XIRP2: variants seen among roughly 807,000 people sequenced by gnomAD.
The protein encoded by XIRP2 is xin actin-binding repeat-containing protein 2.
XIRP2 carries 236 observed loss-of-function variants against 277.0 expected under a neutral mutation model. The observed-to-expected ratio is 0.85, with a 90% CI of 0.77 to 0.95. The LOEUF is 0.95. Among genes scored for constraint, XIRP2 ranks in the 40% least tolerant of loss-of-function variants. The pLI, the probability that XIRP2 is intolerant of heterozygous loss-of-function variation, is 0.00. For synonymous variants in XIRP2, 1,490 were observed against 1,416.5 expected, an observed-to-expected ratio of 1.05 and a Z score of -1.17; for missense variants, 4,640 against 4,157.5, an observed-to-expected ratio of 1.12 and a Z score of -3.19.
At chr2:167,132,511 T>TACACACACACACACACACAC (rs35636231) in intron 2 of XIRP2, among the ~76,000 whole-genome samples, 46 of 146,224 alleles carry the variant, frequency 3.1e-4, no homozygotes, top group Non-Finnish European at 6.3e-4. Flanking sequence ...TGCATGTGTA[T>TACACACACACACACACACAC]ACACACACAC....
At chr2:167,194,571 C>T (rs1693445001) in intron 3 of XIRP2, among the ~76,000 whole-genome samples, 1 of 152,152 alleles carries the variant, frequency 6.6e-6, no homozygotes, top group Admixed American at 6.5e-5. Flanking sequence ...ACCAGAATCA[C>T]AGAAACATCA....
chr2:167,099,667 G>A (rs917351011), intron 2 of XIRP2, among the ~76,000 whole-genome samples: 3 of 152,136 alleles, frequency 2.0e-5, no homozygotes, highest in African/African-American at 7.2e-5. Flanking sequence ...CTGGTCTGTG[G>A]GTTGCACAGA....
intron 2 of XIRP2, among the ~76,000 whole-genome samples, chr2:166,996,610 G>A (rs1687227862): frequency 6.6e-6 from 1 of 152,154 alleles, no homozygotes; most frequent in Admixed American, 6.5e-5. Context: ...CTGGGCAACA[G>A]AGCAAGACTT....
chr2:167,158,820 A>G (rs952192231), intron 3 of XIRP2, among the ~76,000 whole-genome samples: 5 of 152,212 alleles, frequency 3.3e-5, no homozygotes, highest in Non-Finnish European at 7.3e-5. Flanking sequence ...GACAGGAACC[A>G]CACAGTTATT....
At position 167,251,801 on chromosome 2, in the gene XIRP2, C is replaced by T. The variant is rs375599754; in HGVS notation, c.10409C>T (p.Ser3470Phe). Reference sequence around the variant, plus strand: ...ATTGCTGGACATATTTTAGATATCTCTGATTCACCTAAAGAAGTAAGAAAA... The same window carrying T: ...ATTGCTGGACATATTTTAGATATCTTTGATTCACCTAAAGAAGTAAGAAAA... ...DVIAGHILDISDSPKEVRKNF... is the reference protein window; with the variant it reads ...DVIAGHILDIFDSPKEVRKNF... Residue 3470 changes from serine (S) to phenylalanine (F), a missense_variant, in exon 9 of 11, where the codon TCT becomes TTT. Coordinates refer to ENST00000409195, the MANE Select transcript of XIRP2 (RefSeq NM_152381.6). The T allele has an allele frequency of 3.1e-6, 5 of 1,613,338 alleles. No homozygotes were observed. The African/African-American group carries it at 5.3e-5, about 17-fold the overall frequency.
intron 2 of XIRP2, among the ~76,000 whole-genome samples, chr2:167,053,245 G>A (rs542048713): frequency 2.0e-5 from 3 of 152,262 alleles, no homozygotes; most frequent in Admixed American, 2.0e-4. Flanking sequence ...ATGGGACATG[G>A]ACATATTGAA....
chr2:167,029,041 A>G (rs1020204850), intron 2 of XIRP2, among the ~76,000 whole-genome samples: 2 of 151,962 alleles, frequency 1.3e-5, no homozygotes, highest in African/African-American at 4.8e-5. Flanking sequence ...AAAAAGAATG[A>G]AAAACAATGA....
intron 3 of XIRP2, 54 bp from the exon 4 acceptor site, chr2:167,210,681 G>A (rs1016727471): frequency 1.3e-6 from 2 of 1,593,010 alleles, no homozygotes; most frequent in Non-Finnish European, 1.7e-6. Context: ...AGGTGATGCT[G>A]TTTTCTTCTT....
chr2:166,956,472 A>G (rs73969936), intron 2 of XIRP2, among the ~76,000 whole-genome samples: 7,664 of 151,936 alleles, frequency 0.05, 259 homozygotes, highest in African/African-American at 0.085. Context: ...ATGTGACTGC[A>G]CATGCATATG....
At chr2:167,121,127 G>T (rs1385893532) in intron 2 of XIRP2, among the ~76,000 whole-genome samples, 1 of 152,122 alleles carries the variant, frequency 6.6e-6, no homozygotes, top group Non-Finnish European at 1.5e-5. Flanking sequence ...ACATAGGTCT[G>T]ATATCTTCCA....
At chr2:167,031,588 A>T (rs1206999507) in intron 2 of XIRP2, among the ~76,000 whole-genome samples, 5 of 152,156 alleles carry the variant, frequency 3.3e-5, no homozygotes, top group South Asian at 4.1e-4. Flanking sequence ...CCTTAAGCTG[A>T]TAAGCATTTT....
chr2:167,231,637 A>ATGTGT (rs1694759488), intron 5 of XIRP2, among the ~76,000 whole-genome samples: 1 of 151,774 alleles, frequency 6.6e-6, no homozygotes, highest in Admixed American at 6.6e-5. Context: ...GCCACCACTA[A>ATGTGT]CAGAAACTGC....
chr2:167,229,692 T>C (rs1694699541), intron 5 of XIRP2, among the ~76,000 whole-genome samples: 2 of 152,096 alleles, frequency 1.3e-5, no homozygotes, highest in South Asian at 4.1e-4. Flanking sequence ...TTGATGTTCA[T>C]TTAGTTATTA....
At chr2:167,015,873 C>T (rs1431300305) in intron 2 of XIRP2, among the ~76,000 whole-genome samples, 1 of 151,600 alleles carries the variant, frequency 6.6e-6, no homozygotes, top group Non-Finnish European at 1.5e-5. Flanking sequence ...ACTCCTAGAT[C>T]ACTTATAATA....
intron 8 of XIRP2, 116 bp from the exon 9 acceptor site, chr2:167,242,453 G>A: frequency 1.9e-6 from 2 of 1,056,782 alleles, no homozygotes; most frequent in Non-Finnish European, 2.8e-6. Context: ...ATCACATATT[G>A]TTCCCAATGG....
chr2:166,920,991 A>C (rs1685022350), intron 2 of XIRP2, among the ~76,000 whole-genome samples: 1 of 152,166 alleles, frequency 6.6e-6, no homozygotes, highest in African/African-American at 2.4e-5. Flanking sequence ...TCTAATAAAC[A>C]AGTAACTTTA....
intron 3 of XIRP2, among the ~76,000 whole-genome samples, chr2:167,194,630 C>T (rs1033404964): frequency 5.3e-5 from 8 of 151,998 alleles, no homozygotes; most frequent in Non-Finnish European, 8.8e-5. Context: ...TAACACTTTA[C>T]GGGAAATTAG....
chr2:166,891,101 G>A (rs1684091271), intron 1 of XIRP2, among the ~76,000 whole-genome samples: 1 of 152,174 alleles, frequency 6.6e-6, no homozygotes, highest in African/African-American at 2.4e-5. Context: ...AGATCAGTAA[G>A]TTAAAGAACT....
intron 2 of XIRP2, among the ~76,000 whole-genome samples, chr2:167,049,393 T>C (rs1327476957): frequency 6.6e-6 from 1 of 151,922 alleles, no homozygotes; most frequent in Non-Finnish European, 1.5e-5. Context: ...TTCATTTATG[T>C]GTTATAAAAA....
Sources: gnomAD v4.1 joint callset for allele counts (sites outside exome capture counted in the v4.1 genomes callset) on GRCh38, gnomAD v4.1.1 for gene constraint, MANE v1.5 for transcripts, NCBI Gene and HGNC (gene_info 2026-07-23, HGNC 2026-07-21) for gene names.